Variants in AFG2B observed in about 807,000 individuals in gnomAD.
AFG2B encodes AAA ATPase AFG2B.
chr15:45,410,489 G>A, the AFG2B span: 1 of 1,612,314 alleles, frequency 6.2e-7, no homozygotes, highest in Middle Eastern at 1.7e-4. Flanking sequence ...TGACTGGGAG[G>A]AGATTGGTGG....
At chr15:45,417,573 G>T in the AFG2B span, 1 of 576,552 alleles carries the variant, frequency 1.7e-6, no homozygotes, top group Non-Finnish European at 2.9e-6. Context: ...CTTGTTCACA[G>T]AGAAACATAA....
chr15:45,405,498 G>A, the AFG2B span: 7 of 1,612,834 alleles, frequency 4.3e-6, no homozygotes, highest in East Asian at 1.3e-4. Flanking sequence ...CTCCTTCATA[G>A]TGAGAAGGTA....
the AFG2B span, among the ~76,000 whole-genome samples, chr15:45,415,004 T>A: frequency 6.6e-6 from 1 of 152,170 alleles, no homozygotes; most frequent in Admixed American, 6.5e-5. Flanking sequence ...TTTTCTGTTT[T>A]AAATAAAATC....
At chr15:45,407,717 TAAGAA>T in the AFG2B span, among the ~76,000 whole-genome samples, 2 of 152,134 alleles carry the variant, frequency 1.3e-5, no homozygotes, top group South Asian at 2.1e-4. Context: ...TGTTTACAAA[TAAGAA>T]AAGACAGTTT....
At chr15:45,415,676 A>G in the AFG2B span, 1 of 1,614,138 alleles carries the variant, frequency 6.2e-7, no homozygotes, top group Non-Finnish European at 8.5e-7. Flanking sequence ...CCAGCAAGAC[A>G]GGATGTGATG....
the AFG2B span, among the ~76,000 whole-genome samples, chr15:45,411,591 A>G: frequency 6.6e-6 from 1 of 152,170 alleles, no homozygotes; most frequent in Non-Finnish European, 1.5e-5. Context: ...TGGTGGGATT[A>G]TAGTCATGAG....
the AFG2B span, among the ~76,000 whole-genome samples, chr15:45,418,268 C>T: frequency 2.3e-4 from 33 of 146,316 alleles, no homozygotes; most frequent in African/African-American, 7.6e-4. Flanking sequence ...CACTTGAACC[C>T]GGGAGGTGGA....
chr15:45,403,047 G>A, the AFG2B span: 1 of 1,557,954 alleles, frequency 6.4e-7, no homozygotes. Context: ...GAGGTCTTTC[G>A]GAGGCGGCCG....
chr15:45,419,131 A>G, the AFG2B span, among the ~76,000 whole-genome samples: 1 of 152,164 alleles, frequency 6.6e-6, no homozygotes, highest in Non-Finnish European at 1.5e-5. Flanking sequence ...TGAATCTTAG[A>G]GTGGAGAATG....
the AFG2B span, among the ~76,000 whole-genome samples, chr15:45,414,029 T>C: frequency 6.6e-6 from 1 of 152,220 alleles, no homozygotes; most frequent in East Asian, 1.9e-4. Context: ...GCTTACGTTC[T>C]AGCAGAGCAG....
the AFG2B span, chr15:45,402,501 G>A: frequency 2.5e-5 from 40 of 1,608,980 alleles, no homozygotes; most frequent in Non-Finnish European, 3.3e-5. Context: ...CTAGAGACCG[G>A]GGCACCCAGC....
At chr15:45,404,898 TA>T in the AFG2B span, among the ~76,000 whole-genome samples, 3 of 152,182 alleles carry the variant, frequency 2.0e-5, no homozygotes, top group African/African-American at 7.2e-5. Flanking sequence ...TTAATTGATC[TA>T]TTTTTATTGA....
At chr15:45,409,448 G>A in the AFG2B span, among the ~76,000 whole-genome samples, 5 of 151,732 alleles carry the variant, frequency 3.3e-5, no homozygotes, top group South Asian at 2.1e-4. Context: ...TCATATTATC[G>A]GAGAAGAATA....
chr15:45,418,560 A>T, the AFG2B span: 1 of 1,594,596 alleles, frequency 6.3e-7, no homozygotes, highest in Non-Finnish European at 8.5e-7. Flanking sequence ...GTTCCAGGGC[A>T]GGCTTTCTAT....
At chr15:45,405,284 C>G in the AFG2B span, 1 of 1,433,836 alleles carries the variant, frequency 7.0e-7, no homozygotes, top group African/African-American at 1.4e-5. Context: ...AAACTATATA[C>G]TTCTTCTTCT....
chr15:45,415,826 A>T, the AFG2B span: 5 of 1,578,586 alleles, frequency 3.2e-6, no homozygotes, highest in African/African-American at 6.8e-5. Flanking sequence ...ATTAGCCAGA[A>T]TGCACCTAAA....
the AFG2B span, chr15:45,421,289 A>T: frequency 9.9e-7 from 1 of 1,011,104 alleles, no homozygotes; most frequent in African/African-American, 1.7e-5. Flanking sequence ...ACACTTTTAG[A>T]ATTTGTGTTT....
chr15:45,412,393 C>T, the AFG2B span, among the ~76,000 whole-genome samples: 12 of 144,564 alleles, frequency 8.3e-5, no homozygotes, highest in African/African-American at 3.4e-4. Flanking sequence ...AGTGAGACTC[C>T]GTCTCAAAAA....
chr15:45,403,524 T>G, the AFG2B span: 1 of 1,602,144 alleles, frequency 6.2e-7, no homozygotes, highest in Non-Finnish European at 8.5e-7. Context: ...GAGAGGTGAA[T>G]GGGCTTGGCG....
Sources: allele counts gnomAD v4.1 joint callset (sites outside exome capture counted in the v4.1 genomes callset), GRCh38; gene constraint gnomAD v4.1.1; transcripts MANE v1.5; gene names NCBI Gene and HGNC (gene_info 2026-07-23, HGNC 2026-07-21).